Variants in CACNA1C observed in about 807,000 individuals in gnomAD.
CACNA1C encodes voltage-dependent L-type calcium channel subunit alpha-1C.
In CACNA1C, 30 loss-of-function variants were observed where a neutral mutation model predicts 229.0. The observed-to-expected ratio is 0.13, with a 90% CI of 0.10 to 0.18. CACNA1C has a LOEUF of 0.18. Ranked by LOEUF, CACNA1C falls within the 10% of genes least tolerant of loss-of-function variation. The pLI, the probability that CACNA1C is intolerant of heterozygous loss-of-function variation, is 1.00. For synonymous variants in CACNA1C, 1,114 were observed against 1,132.5 expected (o/e 0.98, Z 0.33); for missense variants, 1,658 against 2,845.0 (o/e 0.58, Z 9.49).
intron 3 of CACNA1C, among the ~76,000 whole-genome samples, chr12:2,153,611 G>A (rs2095406301): frequency 6.6e-6 from 1 of 152,196 alleles, no homozygotes; most frequent in South Asian, 2.1e-4. Flanking sequence ...TAAGTCATGG[G>A]AGAGGCAAGT....
At chr12:2,196,556 A>G (rs1335984991) in intron 3 of CACNA1C, among the ~76,000 whole-genome samples, 3 of 152,252 alleles carry the variant, frequency 2.0e-5, no homozygotes, top group Non-Finnish European at 2.9e-5. Context: ...TGTTTAGTGC[A>G]TAACACAGCT....
chr12:2,455,730 C>T (rs1017374630), intron 4 of CACNA1C, among the ~76,000 whole-genome samples: 3 of 152,150 alleles, frequency 2.0e-5, no homozygotes, highest in Non-Finnish European at 2.9e-5. Context: ...ACCCAGCGGT[C>T]GGTGTCCAGC....
intron 3 of CACNA1C, among the ~76,000 whole-genome samples, chr12:2,310,352 A>AAAATATATATAT (rs201363709): frequency 1.4e-5 from 2 of 139,828 alleles, no homozygotes; most frequent in African/African-American, 5.3e-5. Context: ...TAAAAAAAAA[A>AAAATATATATAT]ATATATATAT....
chr12:2,414,873 G>T (rs2098847462), intron 3 of CACNA1C, among the ~76,000 whole-genome samples: 1 of 152,124 alleles, frequency 6.6e-6, no homozygotes, highest in African/African-American at 2.4e-5. Context: ...AGGGGTGCTG[G>T]GATCACGGGC....
chr12:2,066,729 A>G (rs1018615339), intron 1 of CACNA1C, among the ~76,000 whole-genome samples: 1 of 152,152 alleles, frequency 6.6e-6, no homozygotes, highest in Non-Finnish European at 1.5e-5. Context: ...GGAAGAAGGC[A>G]GTAGGCAGTG....
At chr12:2,411,555 A>G (rs2098807338) in intron 3 of CACNA1C, among the ~76,000 whole-genome samples, 2 of 152,170 alleles carry the variant, frequency 1.3e-5, no homozygotes, top group Non-Finnish European at 2.9e-5. Flanking sequence ...CTCTGTTCCT[A>G]GTCCCCGGGC....
intron 1 of CACNA1C, among the ~76,000 whole-genome samples, chr12:1,990,629 G>A (rs2039130490): frequency 6.6e-6 from 1 of 151,830 alleles, no homozygotes; most frequent in Non-Finnish European, 1.5e-5. Context: ...CCCAAATATG[G>A]CCTATGACAT....
intron 9 of CACNA1C, among the ~76,000 whole-genome samples, chr12:2,548,986 A>G (rs1183619725): frequency 6.6e-6 from 1 of 152,216 alleles, no homozygotes; most frequent in East Asian, 1.9e-4. Flanking sequence ...TAAGGAACGC[A>G]TTGTATCATA....
chr12:2,405,597 G>A (rs1018032921), intron 3 of CACNA1C, among the ~76,000 whole-genome samples: 2 of 152,122 alleles, frequency 1.3e-5, no homozygotes, highest in Admixed American at 6.5e-5. Flanking sequence ...TCGTGTAGCT[G>A]TTTTGTGGTT....
chr12:2,679,501 G>T lies in CACNA1C; in HGVS notation c.5149G>T (p.Ala1717Ser), dbSNP rs200865354. ...CTACTACCAAAGCGACGGCCGGAGC[G>T]CCTTCCCCCAGACCTTCACCACTCA... Reference protein sequence around the residue: ...VSYYQSDGRSAFPQTFTTQRP... With the variant: ...VSYYQSDGRSSFPQTFTTQRP... Residue 1717 changes from alanine to serine, a missense_variant, in exon 42 of 47, where the codon GCC (alanine) becomes TCC (serine). Physicochemically the swap from Ala to Ser is moderately conservative, Grantham distance 99 (BLOSUM62 1). Transcript: ENST00000399655. The surrounding 1 kb of genome is among the most constrained non-coding windows in gnomAD (Gnocchi z 5.5). 1.2e-6 allele frequency: 2 copies of T among 1,608,576 alleles called. No homozygotes were observed. Among genetic ancestry groups the T allele is most frequent in the South Asian group, 2.2e-5 (2 of 90,702 alleles).
chr12:2,199,501 A>G (rs1400810388), intron 3 of CACNA1C, among the ~76,000 whole-genome samples: 39 of 152,118 alleles, frequency 2.6e-4, no homozygotes, highest in Admixed American at 2.3e-3. Context: ...TATAACATAA[A>G]ATATATATAA....
chr12:1,989,267 T>C (rs1016831186), intron 1 of CACNA1C, among the ~76,000 whole-genome samples: 2 of 152,144 alleles, frequency 1.3e-5, no homozygotes, highest in African/African-American at 4.8e-5. Context: ...GCCCAGGAGT[T>C]CAAGGTTGCA....
chr12:2,352,653 G>A (rs1452623818), intron 3 of CACNA1C, among the ~76,000 whole-genome samples: 1 of 150,198 alleles, frequency 6.7e-6, no homozygotes, highest in African/African-American at 2.5e-5. Context: ...ATGAGTTCAG[G>A]ACTAACCCTG....
chr12:2,392,875 G>A (rs2154549083), intron 3 of CACNA1C, among the ~76,000 whole-genome samples: 1 of 152,242 alleles, frequency 6.6e-6, no homozygotes, highest in African/African-American at 2.4e-5. Context: ...GGCAGCTAGG[G>A]AGCTTTTCTT....
chr12:2,681,237 G>A (rs1266846480), intron 42 of CACNA1C, among the ~76,000 whole-genome samples: 2 of 152,174 alleles, frequency 1.3e-5, no homozygotes, highest in South Asian at 2.1e-4. Context: ...GAGGAGCTGG[G>A]GGAGGAGACC....
In CACNA1C at chr12:2,665,106, G is replaced by A; in HGVS notation, c.4398+116G>A. On this transcript the variant is annotated intron_variant, in intron 35 of 46. Transcript: ENST00000399655. This position sits in a 1 kb window ranked among gnomAD's most constrained non-coding sequence, Gnocchi z 5.9. ...GCAACCCTATCAGAGGAGCTGGCTTGGGAAGACTAAGTTGGCAGGAGTGTC... is the reference window on the plus strand; with the variant it reads ...GCAACCCTATCAGAGGAGCTGGCTTAGGAAGACTAAGTTGGCAGGAGTGTC... 1 of 1,122,252 alleles carries A rather than the reference G, an allele frequency of 8.9e-7. No individual in the cohort carries two copies. Among genetic ancestry groups the A allele is most frequent in the Non-Finnish European group, 1.3e-6 (1 of 776,224 alleles). The allele number at this position is 1,122,252 out of a possible 1,614,324, so 69.5% of individuals were successfully genotyped here. A position where few individuals can be genotyped will look rare whatever the true frequency, so the allele number is the denominator to read the frequency against.
intron 34 of CACNA1C, among the ~76,000 whole-genome samples, chr12:2,661,970 C>T (rs1390541831): frequency 6.6e-6 from 1 of 152,216 alleles, no homozygotes; most frequent in Non-Finnish European, 1.5e-5. Context: ...AGGCCGGGCG[C>T]AGTGGCTCAC....
chr12:2,324,122 G>A (rs929083157), intron 3 of CACNA1C, among the ~76,000 whole-genome samples: 3 of 152,144 alleles, frequency 2.0e-5, no homozygotes, highest in African/African-American at 7.2e-5. Flanking sequence ...TTCCCTTCAA[G>A]TCTAAAAATA....
At chr12:2,085,240 A>C (rs1178932561) in intron 1 of CACNA1C, among the ~76,000 whole-genome samples, 1 of 152,168 alleles carries the variant, frequency 6.6e-6, no homozygotes, top group Non-Finnish European at 1.5e-5. Flanking sequence ...TGGTGATGTG[A>C]GTTCTATTTT....
Sources: gnomAD v4.1 joint callset for allele counts (sites outside exome capture counted in the v4.1 genomes callset) on GRCh38, gnomAD v4.1.1 for gene constraint, Gnocchi (gnomAD v3.1) non-coding constraint, MANE v1.5 for transcripts, NCBI Gene and HGNC (gene_info 2026-07-23, HGNC 2026-07-21) for gene names.